The following FOXN2 variants were observed in gnomAD, a reference collection of about 807,000 sequenced individuals.
The protein encoded by FOXN2 is forkhead box N2.
A neutral mutation model predicts 41.2 loss-of-function variants in FOXN2; 19 were observed. The ratio of observed to expected loss-of-function variants is 0.46; its 90% CI spans 0.32 to 0.68. FOXN2 has a LOEUF of 0.68. FOXN2 is among the 30% of genes least tolerant of loss of function. The pLI, the probability that FOXN2 is intolerant of heterozygous loss-of-function variation, is 0.03. For missense variants in FOXN2, 587 were observed against 509.4 expected, an observed-to-expected ratio of 1.15 and a Z score of -1.47; for synonymous variants, 195 against 176.8, an observed-to-expected ratio of 1.10 and a Z score of -0.82.
chr2:48,333,519 T>TA (rs1185632585), intron 2 of FOXN2, among the ~76,000 whole-genome samples: 1 of 152,142 alleles, frequency 6.6e-6, no homozygotes, highest in Non-Finnish European at 1.5e-5. Flanking sequence ...AAAAGAGACT[T>TA]ACAAGTATTT....
rs946210569 is a variant in FOXN2, at chr2:48,369,306, G to T, written c.704-3986G>T. ...TAATCCCAGCACTTTGGGAGGCCAA[G>T]GCGGGTGGATCATCTGAGGTCAGGA... On this transcript the variant is annotated intron_variant, in intron 5 of 6. Transcript: ENST00000340553. 5.3e-5 allele frequency among the ~76,000 whole-genome samples: 8 copies of T among 152,228 alleles called. No homozygotes were observed. The East Asian group carries it at 1.5e-3, about 29-fold the overall frequency.
intron 6 of FOXN2, 127 bp from the exon 7 acceptor site, chr2:48,374,789 AAAAT>A: frequency 1.3e-6 from 1 of 787,502 alleles, no homozygotes; most frequent in Non-Finnish European, 2.0e-6. Flanking sequence ...TGGGTAAAAA[AAAAT>A]AAAAAATCTA....
intron 4 of FOXN2, among the ~76,000 whole-genome samples, chr2:48,360,040 T>C (rs898589680): frequency 2.0e-5 from 3 of 152,158 alleles, no homozygotes; most frequent in African/African-American, 7.2e-5. Context: ...GAACTTTGTT[T>C]TTATTTTTTC....
chr2:48,358,567 A>G (rs907512877), intron 3 of FOXN2, among the ~76,000 whole-genome samples: 4 of 152,198 alleles, frequency 2.6e-5, no homozygotes, highest in African/African-American at 9.6e-5. Flanking sequence ...AAAGAGCGTC[A>G]ATAATAGACT....
rs377726338 is a variant in FOXN2, at chr2:48,325,309, A to G, written c.-156-3252A>G. 3.5e-4 allele frequency among the ~76,000 whole-genome samples: 53 copies of G among 152,354 alleles called. 1 individual carries two copies. The South Asian group carries it at 8.9e-3, about 26-fold the overall frequency. ...GATAGGGTTGTTATGAATAAGATTAAAAGAGTTAATACTAGTAAAGTATTT... is the reference window on the plus strand; with the variant it reads ...GATAGGGTTGTTATGAATAAGATTAGAAGAGTTAATACTAGTAAAGTATTT... On this transcript the variant is annotated intron_variant, in intron 1 of 6. Coordinates refer to ENST00000340553, the MANE Select transcript of FOXN2 (RefSeq NM_002158.4).
intron 4 of FOXN2, among the ~76,000 whole-genome samples, chr2:48,359,682 A>G (rs1672049555): frequency 6.6e-6 from 1 of 151,640 alleles, no homozygotes; most frequent in South Asian, 2.1e-4. Context: ...CTTATGGTCT[A>G]ATTTGTGTTT....
intron 2 of FOXN2, among the ~76,000 whole-genome samples, chr2:48,334,607 C>G (rs1000549876): frequency 6.6e-6 from 1 of 152,128 alleles, no homozygotes; most frequent in African/African-American, 2.4e-5. Flanking sequence ...TGCTCTGGCG[C>G]AAAGGGGAGA....
chr2:48,338,426 G>T (rs1670508891), intron 2 of FOXN2, among the ~76,000 whole-genome samples: 1 of 151,796 alleles, frequency 6.6e-6, no homozygotes, highest in South Asian at 2.1e-4. Context: ...CGGAATCTCG[G>T]AATCTTGCTC....
chr2:48,319,461 T>C (rs1219288042), intron 1 of FOXN2, among the ~76,000 whole-genome samples: 10 of 152,066 alleles, frequency 6.6e-5, no homozygotes, highest in Admixed American at 3.3e-4. Context: ...TAAAGACTTA[T>C]TGAGTAAAGA....
chr2:48,357,440 T>C (rs964731032), intron 3 of FOXN2, among the ~76,000 whole-genome samples: 1 of 152,132 alleles, frequency 6.6e-6, no homozygotes. Context: ...GCGTATCTTT[T>C]CTATATGAAA....
chr2:48,351,861 T>C (rs1225344307), intron 3 of FOXN2, among the ~76,000 whole-genome samples: 2 of 152,132 alleles, frequency 1.3e-5, no homozygotes, highest in Admixed American at 6.5e-5. Context: ...AAGTTTGCCA[T>C]TGAAGTGTGC....
At chr2:48,315,793 C>A (rs13383364) in intron 1 of FOXN2, among the ~76,000 whole-genome samples, 1 of 152,028 alleles carries the variant, frequency 6.6e-6, no homozygotes, top group African/African-American at 2.4e-5. Flanking sequence ...GCTTCGCTGA[C>A]GACCCACACT....
intron 1 of FOXN2, among the ~76,000 whole-genome samples, chr2:48,321,351 G>C (rs544655743): frequency 1.3e-5 from 2 of 152,182 alleles, no homozygotes; most frequent in Non-Finnish European, 2.9e-5. Context: ...TGGCTAACAC[G>C]GTGAAACCCC....
rs1673363829 is a variant in FOXN2 at position 48,378,149 on chromosome 2, C to A, written c.*2706C>A. On this transcript the variant is annotated 3_prime_UTR_variant, in exon 7 of 7. Coordinates refer to ENST00000340553, the MANE Select transcript of FOXN2 (RefSeq NM_002158.4). ...CAACACAATTGTTCATCTTCACATCCCAAACAGAATCACTGTTTCTTGAAT... is the reference window on the plus strand; with the variant it reads ...CAACACAATTGTTCATCTTCACATCACAAACAGAATCACTGTTTCTTGAAT... The A allele has an allele frequency of 6.6e-6, 1 of 152,328 alleles. No individual in the cohort carries two copies. The highest frequency in any genetic ancestry group is 2.4e-5 in the African/African-American group (1 of 41,396). 9.4% of individuals were successfully genotyped at this position (152,328 alleles called of 1,614,324 possible).
intron 6 of FOXN2, 56 bp downstream of exon 6, chr2:48,373,416 T>C: frequency 9.9e-7 from 1 of 1,010,694 alleles, no homozygotes; most frequent in Non-Finnish European, 1.5e-6. Context: ...AAATTTAACC[T>C]AGACTATAAA....
chr2:48,343,544 A>T (rs1288310678), intron 2 of FOXN2, among the ~76,000 whole-genome samples: 1 of 152,172 alleles, frequency 6.6e-6, no homozygotes, highest in Non-Finnish European at 1.5e-5. Flanking sequence ...GGATTGCTTG[A>T]GGCCAATTGT....
rs550270260 is a variant in FOXN2, at chr2:48,362,517, T to C, written c.639-126T>C. On this transcript the variant is annotated intron_variant, in intron 4 of 6. Coordinates refer to ENST00000340553, the MANE Select transcript of FOXN2 (RefSeq NM_002158.4). ...TCAGAAAGTCAAGGCTGCAGTAGGC[T>C]GAAATCATGCCACTGCACTCCAGCC... 8.9e-4 allele frequency: 656 copies of C among 736,548 alleles called. 1 individual carries two copies. Among genetic ancestry groups the C allele is most frequent in the Admixed American group, 1.7e-3 (74 of 44,160 alleles). 45.6% of individuals were successfully genotyped at this position (736,548 alleles called of 1,614,324 possible).
chr2:48,358,163 T>G (rs1671932063), intron 3 of FOXN2, among the ~76,000 whole-genome samples: 1 of 152,168 alleles, frequency 6.6e-6, no homozygotes, highest in South Asian at 2.1e-4. Flanking sequence ...ACTAATGTAT[T>G]TTTTTCTTAT....
intron 2 of FOXN2, among the ~76,000 whole-genome samples, chr2:48,331,916 TTTAATGTAC>T (rs748347658): frequency 5.1e-4 from 78 of 152,308 alleles, no homozygotes; most frequent in African/African-American, 1.5e-3. Context: ...TACCCATATT[TTTAATGTAC>T]TGTAGCTGCT....
Sources: allele counts gnomAD v4.1 joint callset (sites outside exome capture counted in the v4.1 genomes callset), GRCh38; gene constraint gnomAD v4.1.1; transcripts MANE v1.5; gene names NCBI Gene and HGNC (gene_info 2026-07-23, HGNC 2026-07-21).